Variants in PUDP observed in about 807,000 individuals in gnomAD.
The protein encoded by PUDP is pseudouridine-5'-phosphatase.
In PUDP, 8 loss-of-function variants were observed where a neutral mutation model predicts 9.4. The observed-to-expected ratio is 0.85, with a 90% CI of 0.50 to 1.53. PUDP has a LOEUF of 1.53. PUDP is among the 40% of genes most tolerant of loss of function. PUDP has a pLI of 0.00. For missense variants in PUDP, 188 were observed against 189.7 expected (o/e 0.99, Z 0.05); for synonymous variants, 99 against 80.7 (o/e 1.23, Z -1.22).
chrX:6,947,099 C>T (rs55985116), intron 3 of PUDP, among the ~76,000 whole-genome samples: 33,100 of 107,101 alleles, frequency 0.31, 4,575 homozygotes, highest in Non-Finnish European at 0.4. Context: ...CTCCTGGGTT[C>T]GAGTGATTCG....
At chrX:7,134,356 TGCTGGTAACTCTA>T (rs2146929645) in intron 1 of PUDP, among the ~76,000 whole-genome samples, 1 of 112,137 alleles carries the variant, frequency 8.9e-6, no homozygotes, top group African/African-American at 3.2e-5. Flanking sequence ...GTACCAAGAC[TGCTGGTAACTCTA>T]AGTGATGAAG....
chrX:7,027,378 C>A (rs1929726146), intron 1 of PUDP, among the ~76,000 whole-genome samples: 1 of 110,443 alleles, frequency 9.1e-6, no homozygotes, highest in Non-Finnish European at 1.9e-5. Flanking sequence ...ACGCAGGTGT[C>A]TTCTAATATT....
chrX:7,013,972 A>AT (rs1929513813), intron 1 of PUDP, among the ~76,000 whole-genome samples: 1 of 110,832 alleles, frequency 9.0e-6, no homozygotes, highest in African/African-American at 3.3e-5. Flanking sequence ...TGAAGGATGA[A>AT]TGTGGGGTTT....
upstream of PUDP, among the ~76,000 whole-genome samples, chrX:6,723,432 C>CAAAAAAAAAAAAAAAAAAAAA (rs549361509): frequency 5.8e-5 from 1 of 17,340 alleles, no homozygotes; most frequent in African/African-American, 1.4e-4. Context: ...GAGGCTCTGT[C>CAAAAAAAAAAAAAAAAAAAAA]AAAAAAAAAA....
intron 3 of PUDP, among the ~76,000 whole-genome samples, chrX:6,758,449 C>A (rs780473785): frequency 2.7e-5 from 3 of 111,534 alleles, no homozygotes; most frequent in African/African-American, 9.8e-5. Flanking sequence ...GGTGACAGAG[C>A]GAGACTCTGT....
intron 2 of PUDP, 126 bp from the exon 3 acceptor site, chrX:7,077,575 A>T: frequency 2.0e-6 from 1 of 498,858 alleles, no homozygotes; most frequent in Non-Finnish European, 3.4e-6. Context: ...GGAATTTCTG[A>T]CCTAGGACAG....
chrX:7,105,216 C>G (rs1263559591), intron 2 of PUDP, among the ~76,000 whole-genome samples: 1 of 107,979 alleles, frequency 9.3e-6, no homozygotes, highest in African/African-American at 3.4e-5. Context: ...GGAGATTTAG[C>G]TGCTTATCAA....
At chrX:6,984,044 C>T (rs981164347) in intron 1 of PUDP, among the ~76,000 whole-genome samples, 4 of 112,333 alleles carry the variant, frequency 3.6e-5, no homozygotes, top group South Asian at 3.7e-4. Context: ...TTATTCAAGA[C>T]GTCAAGAACC....
In PUDP at chrX:6,761,992, A is replaced by G. The variant is rs148791436; in HGVS notation, c.*248-55526T>C. Among the ~76,000 whole-genome samples the G allele has an allele frequency of 2.8e-3, 309 of 111,773 alleles. 2 individuals are homozygous for G. Among genetic ancestry groups the G allele is most frequent in the African/African-American group, 9.7e-3 (297 of 30,738 alleles). ...ATGGCTTTGAGGCCAGGAGTTTGAA[A>G]TCAGCCTGGGCAACATGGCAAAACC... On this transcript the variant is annotated intron_variant and NMD_transcript_variant, in intron 3 of 3. Transcript: ENST00000655425.
At chrX:6,864,195 T>G (rs1051767126) in intron 3 of PUDP, among the ~76,000 whole-genome samples, 6 of 111,920 alleles carry the variant, frequency 5.4e-5, no homozygotes, top group African/African-American at 1.9e-4. Flanking sequence ...GGAGATTCCT[T>G]TTGTTAATGT....
At chrX:6,972,348 C>T (rs1383797238) in intron 3 of PUDP, among the ~76,000 whole-genome samples, 9 of 111,946 alleles carry the variant, frequency 8.0e-5, no homozygotes, top group Admixed American at 1.9e-4. Flanking sequence ...GTGGGTTTGT[C>T]ATAGATAGCT....
At chrX:7,115,653 C>T (rs747735911) in intron 1 of PUDP, among the ~76,000 whole-genome samples, 14 of 112,393 alleles carry the variant, frequency 1.2e-4, no homozygotes, top group African/African-American at 4.5e-4. Context: ...ACCAGCCAAG[C>T]TTACTTAGTA....
intron 1 of PUDP, among the ~76,000 whole-genome samples, chrX:6,998,497 G>T (rs1290685590): frequency 1.8e-5 from 2 of 110,326 alleles, no homozygotes; most frequent in Non-Finnish European, 3.8e-5. Context: ...TTGACTGTCA[G>T]GGCAATATGA....
chrX:6,893,039 G>A (rs752712531), intron 3 of PUDP, among the ~76,000 whole-genome samples: 5 of 111,482 alleles, frequency 4.5e-5, no homozygotes, highest in African/African-American at 1.3e-4. Flanking sequence ...TGTCATTGGG[G>A]AAAAAAAACT....
At chrX:7,080,890 G>C (rs1465387813) in intron 2 of PUDP, among the ~76,000 whole-genome samples, 1 of 101,863 alleles carries the variant, frequency 9.8e-6, no homozygotes, top group Non-Finnish European at 2.0e-5. Context: ...CTGCACTCCA[G>C]CCTGGGTGAC....
chrX:6,904,119 T>C (rs908060531), intron 3 of PUDP, among the ~76,000 whole-genome samples: 4 of 108,829 alleles, frequency 3.7e-5, no homozygotes, highest in African/African-American at 1.3e-4. Flanking sequence ...GCCCAGCTAA[T>C]TGCTGTATTT....
intron 3 of PUDP, among the ~76,000 whole-genome samples, chrX:6,789,101 C>T (rs1381979286): frequency 1.8e-5 from 2 of 110,897 alleles, no homozygotes; most frequent in African/African-American, 3.3e-5. Context: ...ACCAGTCTGG[C>T]CAACATGGCA....
At chrX:6,826,321 T>A (rs1479744589) in intron 3 of PUDP, among the ~76,000 whole-genome samples, 1 of 112,021 alleles carries the variant, frequency 8.9e-6, no homozygotes, top group African/African-American at 3.2e-5. Context: ...AAGTGCCACA[T>A]TTATTTTTTA....
At chrX:6,869,964 T>G (rs775964182) in intron 3 of PUDP, among the ~76,000 whole-genome samples, 1 of 111,634 alleles carries the variant, frequency 9.0e-6, no homozygotes, top group Admixed American at 9.6e-5. Flanking sequence ...TACACTCATG[T>G]TCATAGCAGC....
Sources: allele counts gnomAD v4.1 joint callset (sites outside exome capture counted in the v4.1 genomes callset), GRCh38; gene constraint gnomAD v4.1.1; transcripts MANE v1.5; gene names NCBI Gene and HGNC (gene_info 2026-07-23, HGNC 2026-07-21).